Variants in LRP1B observed in about 807,000 individuals in gnomAD.
The protein encoded by LRP1B is LDL receptor related protein 1B, also known as low-density lipoprotein receptor-related protein 1B.
In LRP1B, 217 loss-of-function variants were observed where a neutral mutation model predicts 556.6. That is an observed-to-expected ratio of 0.39 (90% CI 0.35 to 0.44). The LOEUF (loss-of-function observed/expected upper bound fraction) is 0.44. Among genes scored for constraint, LRP1B ranks in the 20% least tolerant of loss-of-function variants. The pLI is 1.00. For missense variants in LRP1B, 5,053 were observed against 5,620.8 expected (o/e 0.90, Z 3.23); for synonymous variants, 2,047 against 1,865.8 (o/e 1.10, Z -2.50).
chr2:140,241,062 T>C (rs1680926858), intron 87 of LRP1B, among the ~76,000 whole-genome samples: 1 of 151,004 alleles, frequency 6.6e-6, no homozygotes, highest in South Asian at 2.1e-4. Flanking sequence ...CCATCTCTTC[T>C]ATCCACTTCT....
intron 2 of LRP1B, among the ~76,000 whole-genome samples, chr2:141,594,742 C>A (rs2054656): frequency 0.97 from 148,198 of 152,252 alleles, 72,264 homozygotes; most frequent in East Asian, 1. Flanking sequence ...TCTCATTTTC[C>A]TTGGATATAA....
In LRP1B at chr2:140,672,825, A is replaced by G. The variant is rs541471570; in HGVS notation, c.6799+27425T>C. On this transcript the variant is annotated intron_variant, in intron 41 of 90. Coordinates refer to ENST00000389484, the MANE Select transcript of LRP1B (RefSeq NM_018557.3). Reference sequence around the variant, plus strand: ...CTTGTATGTCCTGGGAATTTGCACCATTAAACAAGAGGCCCCTACACAGGT... The same window carrying G: ...CTTGTATGTCCTGGGAATTTGCACCGTTAAACAAGAGGCCCCTACACAGGT... Among the ~76,000 whole-genome samples the G allele has an allele frequency of 1.5e-4, 23 of 152,296 alleles. No homozygotes were observed. The South Asian group carries it at 4.6e-3, about 30-fold the overall frequency.
intron 3 of LRP1B, among the ~76,000 whole-genome samples, chr2:141,351,062 G>T (rs1333246565): frequency 6.6e-6 from 1 of 151,970 alleles, no homozygotes; most frequent in Non-Finnish European, 1.5e-5. Context: ...ACTTGTTTGA[G>T]ATCCATTTTT....
Position 140,713,749 on chromosome 2 carries a change from G to A in LRP1B, c.6023+2224C>T, listed in dbSNP as rs543777806. On this transcript the variant is annotated intron_variant, in intron 37 of 90. Transcript: ENST00000389484. ...CTCGTGTACCTACACTCTTGCTGAT[G>A]GCTTTTGCTTTGTCACTACCAAATC... Among the ~76,000 whole-genome samples the A allele has an allele frequency of 1.1e-4, 17 of 152,038 alleles. No homozygotes were observed. The Middle Eastern group carries it at 0.014, about 122-fold the overall frequency.
At chr2:140,759,460 G>T (rs1688845405) in intron 35 of LRP1B, among the ~76,000 whole-genome samples, 1 of 152,008 alleles carries the variant, frequency 6.6e-6, no homozygotes, top group East Asian at 1.9e-4. Flanking sequence ...AATAAATAAA[G>T]GAAACAAACT....
chr2:140,518,567 T>C (rs1040782320), intron 49 of LRP1B, among the ~76,000 whole-genome samples: 1 of 152,188 alleles, frequency 6.6e-6, no homozygotes, highest in Non-Finnish European at 1.5e-5. Flanking sequence ...AAAGAATGTG[T>C]TGTTGTAAAC....
intron 3 of LRP1B, among the ~76,000 whole-genome samples, chr2:141,353,668 A>C (rs1688523224): frequency 6.6e-6 from 1 of 151,960 alleles, no homozygotes; most frequent in Non-Finnish European, 1.5e-5. Context: ...ATAGAAGAAA[A>C]ATTCCTTGGA....
intron 2 of LRP1B, among the ~76,000 whole-genome samples, chr2:141,704,649 G>C (rs1036177847): frequency 2.0e-5 from 3 of 151,772 alleles, no homozygotes; most frequent in Non-Finnish European, 4.4e-5. Context: ...TTAAAAATAA[G>C]CTTAGCAGTC....
At chr2:141,283,610 G>A (rs1338774102) in intron 3 of LRP1B, among the ~76,000 whole-genome samples, 1 of 147,606 alleles carries the variant, frequency 6.8e-6, no homozygotes, top group East Asian at 2.1e-4. Flanking sequence ...CACAGACAAA[G>A]AGACCCACTT....
chr2:140,485,395 C>T lies in LRP1B; in HGVS notation c.9373G>A (p.Val3125Ile), dbSNP rs776711430. Residue 3125 changes from valine to isoleucine, a missense_variant, in exon 59 of 91, where the codon GTT becomes ATT. By Grantham distance (29) the Val-to-Ile change is conservative. Transcript: ENST00000389484. ...KLNGLYPTIL[V>I]SKRLKFPRDL... Reference sequence around the variant, plus strand: ...CTGGGAAACTTCAGCCTTTTGCTAACGAGTATAGTAGGGTACAAGCCATTG... The same window carrying T: ...CTGGGAAACTTCAGCCTTTTGCTAATGAGTATAGTAGGGTACAAGCCATTG... 82 of 1,613,138 alleles carry T rather than the reference C, an allele frequency of 5.1e-5. No individual in the cohort carries two copies. The Admixed American group carries it at 9.9e-4, about 19-fold the overall frequency.
At position 141,780,584 on chromosome 2, in the gene LRP1B, G is replaced by A. The variant is rs146979840; in HGVS notation, c.205+29695C>T. ...ACCACGGGCTATTTTAAGCTATCGC[G>A]TGGCATCACTGAACTGGACTTGGAA... On this transcript the variant is annotated intron_variant, in intron 2 of 90. Coordinates refer to ENST00000389484, the MANE Select transcript of LRP1B (RefSeq NM_018557.3). Among the ~76,000 whole-genome samples the A allele has an allele frequency of 4.2e-3, 638 of 152,182 alleles. 4 individuals carry two copies. Among genetic ancestry groups the A allele is most frequent in the African/African-American group, 0.015 (611 of 41,510 alleles).
intron 3 of LRP1B, among the ~76,000 whole-genome samples, chr2:141,365,356 T>C (rs907210237): frequency 6.6e-6 from 1 of 152,120 alleles, no homozygotes; most frequent in Non-Finnish European, 1.5e-5. Context: ...GGCTTTATCA[T>C]GCATCTTAAG....
At chr2:140,965,181 G>A (rs1456109112) in intron 18 of LRP1B, among the ~76,000 whole-genome samples, 2 of 152,086 alleles carry the variant, frequency 1.3e-5, no homozygotes, top group Admixed American at 6.5e-5. Context: ...GAATTGTTAG[G>A]TATCAAAAAG....
chr2:141,079,701 A>G (rs2380965), intron 7 of LRP1B, among the ~76,000 whole-genome samples: 129,650 of 152,148 alleles, frequency 0.85, 55,544 homozygotes, highest in Non-Finnish European at 0.89. Flanking sequence ...TTTCATAATC[A>G]TTAATAAATA....
chr2:140,296,873 TAGA>T (rs1683626159), intron 84 of LRP1B, among the ~76,000 whole-genome samples: 1 of 151,896 alleles, frequency 6.6e-6, no homozygotes, highest in Non-Finnish European at 1.5e-5. Context: ...AAAATATAAA[TAGA>T]AGAATTGTGG....
intron 27 of LRP1B, among the ~76,000 whole-genome samples, chr2:140,859,692 G>T (rs914949030): frequency 6.6e-6 from 1 of 152,146 alleles, no homozygotes; most frequent in African/African-American, 2.4e-5. Flanking sequence ...GGTAACCTTT[G>T]TTTATGAAAA....
intron 1 of LRP1B, among the ~76,000 whole-genome samples, chr2:141,821,542 T>C (rs1314385884): frequency 6.6e-6 from 1 of 152,192 alleles, no homozygotes; most frequent in Non-Finnish European, 1.5e-5. Context: ...ACCTTATAAA[T>C]TGCTAATAAT....
At chr2:140,278,885 C>T (rs1277929784) in intron 84 of LRP1B, among the ~76,000 whole-genome samples, 1 of 151,902 alleles carries the variant, frequency 6.6e-6, no homozygotes, top group Non-Finnish European at 1.5e-5. Flanking sequence ...CACTACACTC[C>T]AGCCCTGGCA....
chr2:141,910,439 T>C (rs944630953), intron 1 of LRP1B, among the ~76,000 whole-genome samples: 3 of 152,140 alleles, frequency 2.0e-5, no homozygotes, highest in Non-Finnish European at 2.9e-5. Flanking sequence ...TTTGTTATTA[T>C]GAGTATCCCC....
Sources: allele counts gnomAD v4.1 joint callset (sites outside exome capture counted in the v4.1 genomes callset), GRCh38; gene constraint gnomAD v4.1.1; transcripts MANE v1.5; gene names NCBI Gene and HGNC (gene_info 2026-07-23, HGNC 2026-07-21).